Variants in PTPRQ observed in about 807,000 individuals in gnomAD.
PTPRQ encodes the protein phosphatidylinositol phosphatase PTPRQ.
In PTPRQ, 199 loss-of-function variants were observed where a neutral mutation model predicts 246.0. The ratio of observed to expected loss-of-function variants is 0.81; its 90% confidence interval spans 0.72 to 0.91. The LOEUF (loss-of-function observed/expected upper bound fraction) is 0.91. PTPRQ is among the 40% of genes least tolerant of loss of function. PTPRQ has a pLI of 0.00. For missense variants in PTPRQ, 2,624 were observed against 2,528.4 expected (o/e 1.04, Z -0.81); for synonymous variants, 869 against 853.2 (o/e 1.02, Z -0.32).
intron 25 of PTPRQ, among the ~76,000 whole-genome samples, chr12:80,558,657 G>T (rs1445657705): frequency 6.6e-6 from 1 of 152,032 alleles, no homozygotes; most frequent in Non-Finnish European, 1.5e-5. Flanking sequence ...GGAGCACATT[G>T]CTGAGTCATA....
intron 33 of PTPRQ, among the ~76,000 whole-genome samples, chr12:80,629,277 T>C (rs1899330331): frequency 6.6e-6 from 1 of 152,082 alleles, no homozygotes; most frequent in Non-Finnish European, 1.5e-5. Flanking sequence ...ATGGCCTCAT[T>C]TAACTGTAAT....
chr12:80,478,231 C>T (rs184292809), intron 8 of PTPRQ, among the ~76,000 whole-genome samples: 148 of 150,674 alleles, frequency 9.8e-4, no homozygotes, highest in South Asian at 3.1e-3. Flanking sequence ...CCCTGACCCC[C>T]GAGCAGCCTA....
chr12:80,513,159 A>G lies in PTPRQ; in HGVS notation c.2678+2716A>G, dbSNP rs138350259. 8.9e-3 allele frequency among the ~76,000 whole-genome samples: 1,354 copies of G among 152,224 alleles called. 20 individuals are homozygous for G. The highest frequency in any genetic ancestry group is 0.031 in the African/African-American group (1,296 of 41,550). ...ATCGCAAGGACAGAGGGCTTTCTGT[A>G]TCCCGGGGTTTCTTGCCTTGGAGTA... On this transcript the variant is annotated intron_variant, in intron 17 of 44. Coordinates refer to ENST00000644991, the MANE Select transcript of PTPRQ (RefSeq NM_001145026.2).
chr12:80,500,631 A>G (rs77777071), intron 14 of PTPRQ, among the ~76,000 whole-genome samples: 3,736 of 152,114 alleles, frequency 0.025, 147 homozygotes, highest in African/African-American at 0.084. Context: ...CCAATCTTTT[A>G]TCTATCTGTT....
intron 3 of PTPRQ, among the ~76,000 whole-genome samples, chr12:80,449,433 G>C (rs977710485): frequency 6.6e-6 from 1 of 152,178 alleles, no homozygotes; most frequent in African/African-American, 2.4e-5. Context: ...TGGTGTTTTA[G>C]ATGTGAAGTC....
At chr12:80,639,730 G>A (rs1386584975) in intron 35 of PTPRQ, among the ~76,000 whole-genome samples, 1 of 152,076 alleles carries the variant, frequency 6.6e-6, no homozygotes, top group Non-Finnish European at 1.5e-5. Flanking sequence ...CTTTGGTATT[G>A]TTACTATTGT....
In PTPRQ at chr12:80,634,693, C is replaced by T. The variant is rs1448744590; in HGVS notation, c.5787-252C>T. 8 of 379,266 alleles carry T rather than the reference C, an allele frequency of 2.1e-5. No individual in the cohort carries two copies. In the East Asian group the frequency reaches 2.2e-4, roughly 10 times the overall value. The allele number at this position is 379,266 out of a possible 1,614,324, so 23.5% of individuals were successfully genotyped here. A position where few individuals can be genotyped will look rare whatever the true frequency, so the allele number is the denominator to read the frequency against. On this transcript the variant is annotated intron_variant, in intron 34 of 44. Transcript: ENST00000644991. ...TAAATGTACCAATGGCTCAGGCCTT[C>T]GTCAACTAATTCTTCTTAAATTTAG...
chr12:80,646,296 A>T (rs1254055428), intron 35 of PTPRQ, among the ~76,000 whole-genome samples: 1 of 152,220 alleles, frequency 6.6e-6, no homozygotes, highest in Non-Finnish European at 1.5e-5. Flanking sequence ...AGGCACAGAA[A>T]AATTAAGTAT....
chr12:80,479,307 T>A (rs1165384776), intron 8 of PTPRQ, among the ~76,000 whole-genome samples: 8 of 149,532 alleles, frequency 5.4e-5, no homozygotes, highest in East Asian at 3.9e-4. Context: ...AATAAAATAC[T>A]TTACAGACAA....
At chr12:80,483,221 T>C (rs1366519091) in intron 8 of PTPRQ, among the ~76,000 whole-genome samples, 2 of 130,346 alleles carry the variant, frequency 1.5e-5, no homozygotes, top group African/African-American at 5.9e-5. Flanking sequence ...TTCATGTCCT[T>C]TGTAGGGACA....
chr12:80,473,047 G>GCACACA lies in PTPRQ; in HGVS notation c.1186+821_1186+826dup, dbSNP rs34054644. On this transcript the variant is annotated intron_variant, in intron 8 of 44. Coordinates refer to ENST00000644991, the MANE Select transcript of PTPRQ (RefSeq NM_001145026.2). ...TACACACACACACACTCACACACACGCACACACACACACACACACACACAC... is the reference window on the plus strand; with the variant it reads ...TACACACACACACACTCACACACACGCACACACACACACACACACACACACACACAC... 8.3e-3 allele frequency among the ~76,000 whole-genome samples: 1,216 copies of GCACACA among 145,662 alleles called. 19 individuals carry two copies. Among genetic ancestry groups the GCACACA allele is most frequent in the African/African-American group, 0.031 (1,158 of 37,840 alleles).
At chr12:80,626,622 T>A (rs1278692723) in intron 33 of PTPRQ, among the ~76,000 whole-genome samples, 1 of 152,142 alleles carries the variant, frequency 6.6e-6, no homozygotes, top group Non-Finnish European at 1.5e-5. Context: ...TTTTTAACCA[T>A]CCCAAAGGTG....
At chr12:80,532,093 AG>A (rs1327040737) in intron 17 of PTPRQ, among the ~76,000 whole-genome samples, 15 of 152,322 alleles carry the variant, frequency 9.8e-5, no homozygotes, top group Middle Eastern at 3.4e-3. Context: ...TGTGAAAATC[AG>A]GGCAAGAAGG....
intron 5 of PTPRQ, 30 bp downstream of exon 5, chr12:80,459,513 T>C: frequency 2.6e-6 from 1 of 385,970 alleles, no homozygotes. Context: ...TTCTATGTCT[T>C]GAAAAATCTT....
chr12:80,651,561 G>A (rs149431846), intron 37 of PTPRQ, among the ~76,000 whole-genome samples: 2,129 of 152,118 alleles, frequency 0.014, 25 homozygotes, highest in South Asian at 0.032. Flanking sequence ...AGGGAGAATT[G>A]TGGCCTTGTG....
chr12:80,497,502 G>T (rs1170379258), intron 14 of PTPRQ, among the ~76,000 whole-genome samples: 1 of 152,000 alleles, frequency 6.6e-6, no homozygotes, highest in Non-Finnish European at 1.5e-5. Context: ...TTCCTAACAG[G>T]CCACCAGCTG....
intron 17 of PTPRQ, among the ~76,000 whole-genome samples, chr12:80,519,126 C>A (rs1895395195): frequency 6.6e-6 from 1 of 152,020 alleles, no homozygotes; most frequent in Non-Finnish European, 1.5e-5. Context: ...AATAGCTTTC[C>A]ATTTTTTGGT....
chr12:80,642,882 T>C (rs1899919729), intron 35 of PTPRQ, among the ~76,000 whole-genome samples: 1 of 125,052 alleles, frequency 8.0e-6, no homozygotes, highest in East Asian at 2.4e-4. Context: ...ATCCCGCCAC[T>C]GCACTCCAGC....
At chr12:80,541,327 A>G (rs1896144832) in intron 20 of PTPRQ, among the ~76,000 whole-genome samples, 1 of 152,100 alleles carries the variant, frequency 6.6e-6, no homozygotes, top group Admixed American at 6.6e-5. Flanking sequence ...ATATTATAGA[A>G]ACAATTCCCA....
Sources: gnomAD v4.1 joint callset for allele counts (sites outside exome capture counted in the v4.1 genomes callset) on GRCh38, gnomAD v4.1.1 for gene constraint, MANE v1.5 for transcripts, NCBI Gene and HGNC (gene_info 2026-07-23, HGNC 2026-07-21) for gene names.